Variants in ESRRG observed in about 807,000 individuals in gnomAD.
ESRRG encodes the protein estrogen related receptor gamma, also known as estrogen-related receptor gamma.
Under a neutral mutation model 44.0 loss-of-function variants are expected in ESRRG, and 13 were observed. The observed-to-expected ratio is 0.30, with a 90% CI of 0.19 to 0.47. The LOEUF (loss-of-function observed/expected upper bound fraction) is 0.47. Ranked by LOEUF, ESRRG falls within the 20% of genes least tolerant of loss-of-function variation. ESRRG has a pLI of 1.00. For missense variants in ESRRG, 395 were observed against 580.6 expected, an observed-to-expected ratio of 0.68 and a Z score of 3.29; for synonymous variants, 215 against 214.6, an observed-to-expected ratio of 1.00 and a Z score of -0.02.
upstream of ESRRG, chr1:216,723,525 G>A (rs2086834574): frequency 1.9e-6 from 1 of 525,096 alleles, no homozygotes; most frequent in East Asian, 3.2e-5. Context: ...CAGCCGCGCA[G>A]CCGATTGGGG....
At chr1:216,953,709 A>G (rs949832560) in intron 1 of ESRRG, among the ~76,000 whole-genome samples, 1 of 152,124 alleles carries the variant, frequency 6.6e-6, no homozygotes, top group Non-Finnish European at 1.5e-5. Flanking sequence ...AAAGGACGTG[A>G]TGTCATCATA....
intron 5 of ESRRG, among the ~76,000 whole-genome samples, chr1:216,524,449 T>C (rs556232394): frequency 6.6e-6 from 1 of 151,850 alleles, no homozygotes; most frequent in East Asian, 1.9e-4. Flanking sequence ...ATGATAATGA[T>C]TATATTATGT....
intron 2 of ESRRG, among the ~76,000 whole-genome samples, chr1:216,811,661 C>T (rs750868740): frequency 3.9e-5 from 6 of 152,044 alleles, no homozygotes; most frequent in South Asian, 2.1e-4. Flanking sequence ...TTATACACTA[C>T]GCCACTTACT....
At chr1:216,750,722 T>C (rs898937450) in intron 2 of ESRRG, among the ~76,000 whole-genome samples, 8 of 151,772 alleles carry the variant, frequency 5.3e-5, no homozygotes, top group Non-Finnish European at 1.2e-4. Flanking sequence ...AAGAAGAACA[T>C]ACTGTGATAC....
Position 216,504,303 on chromosome 1 carries a change from T to G in ESRRG, c.*2636A>C, listed in dbSNP as rs2040847626. On this transcript the variant is annotated 3_prime_UTR_variant, in exon 7 of 7. Coordinates refer to ENST00000408911, the MANE Select transcript of ESRRG (RefSeq NM_001438.4). Reference sequence around the variant, plus strand: ...TAAACACTTACATATATAAATAATCTTATAGAATCAGCACCTTTTTTCCCA... The same window carrying G: ...TAAACACTTACATATATAAATAATCGTATAGAATCAGCACCTTTTTTCCCA... The G allele has an allele frequency of 1.3e-5, 2 of 152,352 alleles. No individual in the cohort carries two copies. Among genetic ancestry groups the G allele is most frequent in the Non-Finnish European group, 2.9e-5 (2 of 67,994 alleles). The allele number at this position is 152,352 out of a possible 1,614,324, so 9.4% of individuals were successfully genotyped here.
chr1:216,779,492 ATTTAT>A (rs1473834902), intron 2 of ESRRG, among the ~76,000 whole-genome samples: 101 of 3,850 alleles, frequency 0.026, 9 homozygotes, highest in African/African-American at 0.092. Context: ...ATAAATATAT[ATTTAT>A]ATATAAATAT....
chr1:217,133,346 C>G (rs2102544256), intron 1 of ESRRG, among the ~76,000 whole-genome samples: 1 of 152,398 alleles, frequency 6.6e-6, no homozygotes, highest in Admixed American at 6.5e-5. Flanking sequence ...TACCCAGGAG[C>G]CTGGCGCCTA....
chr1:216,598,354 G>A (rs551673399), intron 3 of ESRRG, among the ~76,000 whole-genome samples: 12 of 152,304 alleles, frequency 7.9e-5, no homozygotes, highest in African/African-American at 2.6e-4. Flanking sequence ...GCAAATAGAT[G>A]TGGCATTTGT....
intron 1 of ESRRG, among the ~76,000 whole-genome samples, chr1:216,962,908 C>A (rs938998871): frequency 5.3e-5 from 8 of 152,152 alleles, no homozygotes; most frequent in Non-Finnish European, 1.2e-4. Context: ...GGTAGAATAT[C>A]AGTTCCTGTG....
intron 1 of ESRRG, among the ~76,000 whole-genome samples, chr1:216,948,777 T>A (rs139778106): frequency 1.3e-5 from 2 of 152,256 alleles, no homozygotes; most frequent in East Asian, 3.9e-4. Context: ...GGTTTTTAGC[T>A]GTTTTTTAGA....
upstream of ESRRG, among the ~76,000 whole-genome samples, chr1:216,725,590 G>A (rs2087351836): frequency 5.3e-5 from 8 of 152,130 alleles, no homozygotes; most frequent in South Asian, 1.7e-3. Context: ...TACAAAGACA[G>A]AAAAACATCC....
At chr1:217,134,089 A>G (rs910123758) in intron 1 of ESRRG, among the ~76,000 whole-genome samples, 1 of 152,114 alleles carries the variant, frequency 6.6e-6, no homozygotes, top group African/African-American at 2.4e-5. Context: ...TCCGGGCCAG[A>G]TGCGGGCGCC....
At chr1:216,818,682 T>C (rs917118809) in intron 2 of ESRRG, among the ~76,000 whole-genome samples, 3 of 152,068 alleles carry the variant, frequency 2.0e-5, no homozygotes, top group African/African-American at 7.2e-5. Context: ...ATGTGTGCCA[T>C]GGTGGTTTGC....
intron 3 of ESRRG, among the ~76,000 whole-genome samples, chr1:216,581,032 A>G (rs548564656): frequency 3.9e-5 from 6 of 152,376 alleles, no homozygotes; most frequent in African/African-American, 1.4e-4. Flanking sequence ...AAACTGAAGT[A>G]TGGGAAATCA....
chr1:216,997,576 T>A (rs1209907517), intron 1 of ESRRG, among the ~76,000 whole-genome samples: 3 of 152,210 alleles, frequency 2.0e-5, no homozygotes, highest in African/African-American at 7.2e-5. Flanking sequence ...CATTATAGAT[T>A]CTCTGTAACA....
intron 2 of ESRRG, among the ~76,000 whole-genome samples, chr1:216,672,281 A>G (rs1313971965): frequency 1.3e-5 from 2 of 152,230 alleles, no homozygotes. Flanking sequence ...CAAAACAGCA[A>G]AACTTTGGCT....
At chr1:216,815,963 T>C (rs1321839332) in intron 2 of ESRRG, among the ~76,000 whole-genome samples, 1 of 151,988 alleles carries the variant, frequency 6.6e-6, no homozygotes, top group African/African-American at 2.4e-5. Flanking sequence ...CAGAGGAAAA[T>C]GTTTATGATT....
chr1:216,692,421 T>A (rs1262728156), intron 1 of ESRRG, among the ~76,000 whole-genome samples: 1 of 151,842 alleles, frequency 6.6e-6, no homozygotes, highest in African/African-American at 2.4e-5. Context: ...AGAGTAAGAA[T>A]ATTAAGAAAA....
Position 216,840,653 on chromosome 1 carries a change from C to T in ESRRG, c.-14+98929G>A, listed in dbSNP as rs528071247. Among the ~76,000 whole-genome samples, 6 of 152,266 alleles carry T rather than the reference C, an allele frequency of 3.9e-5. No homozygotes were observed. The South Asian group carries it at 1.2e-3, about 32-fold the overall frequency. ...TTGATTTCAAGTGAGAAGTGTGTAA[C>T]TCTTTCCTTCACTTGAACACTTAGA... is the stretch of plus-strand genomic sequence containing the variant. On this transcript the variant is annotated intron_variant, in intron 2 of 7. Coordinates refer to the ESRRG transcript ENST00000359162.
Sources: allele counts gnomAD v4.1 joint callset (sites outside exome capture counted in the v4.1 genomes callset), GRCh38; gene constraint gnomAD v4.1.1; transcripts MANE v1.5; gene names NCBI Gene and HGNC (gene_info 2026-07-23, HGNC 2026-07-21).